ALDH3B1: variants seen among roughly 807,000 people sequenced by gnomAD.
ALDH3B1 encodes aldehyde dehydrogenase family 3 member B1.
Under a neutral mutation model 46.2 loss-of-function variants are expected in ALDH3B1, and 37 were observed. The ratio of observed to expected loss-of-function variants is 0.80; its 90% CI spans 0.62 to 1.05. The LOEUF is 1.05. Among genes scored for constraint, ALDH3B1 ranks in the 50% least tolerant of loss-of-function variants. ALDH3B1 has a pLI of 0.00. For synonymous variants in ALDH3B1, 283 were observed against 281.0 expected (o/e 1.01, Z -0.07); for missense variants, 603 against 665.5 (o/e 0.91, Z 1.03).
At position 68,021,559 on chromosome 11, in the gene ALDH3B1, G is replaced by T. The variant is rs746734728; in HGVS notation, c.637G>T (p.Gly213Cys). Residue 213 changes from glycine to cysteine, a missense_variant, in exon 7 of 10, where the codon GGC (glycine) becomes TGC (cysteine). Transcript: ENST00000342456. ...GACACCTGTCACCCTGGAGCTGGGG[G>T]GCAAGAACCCTTGCTACGTGGACGA... is the stretch of plus-strand genomic sequence containing the variant. ...HLTPVTLELG[G>C]KNPCYVDDNC... is the part of the protein sequence containing the mutation. 1 of 1,614,098 alleles carries T rather than the reference G, an allele frequency of 6.2e-7. No homozygotes were observed.
In ALDH3B1 at chr11:68,027,842, A is replaced by G. The variant is rs1196356124; in HGVS notation, c.1310A>G (p.Lys437Arg). The part of the protein sequence containing the change: ...ACLLRSPGME[K>R]LNALRYPPQS... ...CTCCTGCGCAGCCCGGGGATGGAGA[A>G]GCTCAACGCCCTCCGCTACCCGCCG... The change falls in exon 10 of 10, where the codon AAG (lysine) becomes AGG (arginine). Residue 437 changes from lysine to arginine, a missense_variant. Transcript: ENST00000342456. 2.6e-6 allele frequency: 4 copies of G among 1,554,074 alleles called. No individual in the cohort carries two copies. In the South Asian group the frequency reaches 4.7e-5, roughly 18 times the overall value.
Position 68,022,742 on chromosome 11 carries a change from CCTT to C in ALDH3B1, c.1100_1102del (p.Phe367del), listed in dbSNP as rs760984257. The C allele has an allele frequency of 3.7e-6, 6 of 1,614,104 alleles. No homozygotes were observed. The highest frequency in any genetic ancestry group is 4.2e-6 in the Non-Finnish European group (5 of 1,180,004). On this transcript the variant is annotated inframe_deletion, in exon 8 of 10. Coordinates refer to ENST00000342456, the MANE Select transcript of ALDH3B1 (RefSeq NM_000694.4). ...CGGGAGAAGCCCCTGGCCCTGTACG[CCTT>C]CTCCAACAGCAGCCAGGTGGGGGTG... is the stretch of plus-strand genomic sequence containing the variant.
Position 68,015,481 on chromosome 11 carries a change from G to A in ALDH3B1, c.162+22G>A, listed in dbSNP as rs186487054. 174 of 1,565,526 alleles carry A rather than the reference G, an allele frequency of 1.1e-4. No individual in the cohort carries two copies. In the African/African-American group the frequency reaches 2.1e-3, roughly 19 times the overall value. Reference sequence around the variant, plus strand: ...CAAGGTGGGCTGGGGTTGGGGGTATGAGAGGGTGCACTGGGGCAGGGGGGC... The same window carrying A: ...CAAGGTGGGCTGGGGTTGGGGGTATAAGAGGGTGCACTGGGGCAGGGGGGC... On this transcript the variant is annotated intron_variant, in intron 2 of 9. Transcript: ENST00000342456.
At chr11:68,023,768 G>A (rs180840612) in intron 8 of ALDH3B1, among the ~76,000 whole-genome samples, 113 of 152,080 alleles carry the variant, frequency 7.4e-4, no homozygotes, top group Admixed American at 2.5e-3. Flanking sequence ...AGGGCTGGGC[G>A]CGGTGGCTCA....
chr11:68,027,290 G>A (rs1050693000), intron 9 of ALDH3B1, among the ~76,000 whole-genome samples: 4 of 152,150 alleles, frequency 2.6e-5, no homozygotes, highest in African/African-American at 7.2e-5. Flanking sequence ...TGAACGCCCT[G>A]GCCTGGGGCC....
At chr11:68,018,995 A>C in intron 4 of ALDH3B1, 102 bp downstream of exon 4, 1 of 1,483,384 alleles carries the variant, frequency 6.7e-7, no homozygotes, top group Non-Finnish European at 9.0e-7. Flanking sequence ...CCAGGTGGCA[A>C]AGAGGACTGT....
At chr11:68,022,183 G>C (rs145605484) in intron 7 of ALDH3B1, among the ~76,000 whole-genome samples, 1 of 152,124 alleles carries the variant, frequency 6.6e-6, no homozygotes, top group African/African-American at 2.4e-5. Context: ...CAGATTCTCC[G>C]AGCCCACAAT....
intron 1 of ALDH3B1, among the ~76,000 whole-genome samples, chr11:68,014,198 AG>A (rs1857292238): frequency 6.6e-6 from 1 of 152,146 alleles, no homozygotes; most frequent in Admixed American, 6.5e-5. Context: ...CAGTCTAATG[AG>A]GGGGAAATAA....
chr11:68,028,292 C>A lies in ALDH3B1; in HGVS notation c.*353C>A. Reference sequence around the variant, plus strand: ...GTCCGAGGGGCCCTGGCATCTGACTCAGGCCACACCATGGAATCACTGCAT... The same window carrying A: ...GTCCGAGGGGCCCTGGCATCTGACTAAGGCCACACCATGGAATCACTGCAT... On this transcript the variant is annotated 3_prime_UTR_variant, in exon 10 of 10. Coordinates refer to ENST00000342456, the MANE Select transcript of ALDH3B1 (RefSeq NM_000694.4). 1 of 430,646 alleles carries A rather than the reference C, an allele frequency of 2.3e-6. No individual in the cohort carries two copies. Among genetic ancestry groups the A allele is most frequent in the Non-Finnish European group, 4.5e-6 (1 of 223,070 alleles). The allele number at this position is 430,646 out of a possible 1,614,324, so 26.7% of individuals were successfully genotyped here.
chr11:68,022,469 T>C (rs1857522810), intron 7 of ALDH3B1, 126 bp from the exon 8 acceptor site: 2 of 1,292,854 alleles, frequency 1.5e-6, no homozygotes, highest in Admixed American at 5.3e-5. Context: ...GCCTGAAGCC[T>C]TGGGAAGTCA....
intron 1 of ALDH3B1, among the ~76,000 whole-genome samples, chr11:68,013,591 C>A (rs1338480001): frequency 6.6e-6 from 1 of 152,208 alleles, no homozygotes; most frequent in Non-Finnish European, 1.5e-5. Context: ...TTTCTGTGGG[C>A]ACAACAGCAA....
chr11:68,015,447 G>A lies in ALDH3B1; in HGVS notation c.150G>A (p.Gln50=), dbSNP rs1163948614. 6.4e-7 allele frequency: 1 copy of A among 1,566,156 alleles called. No homozygotes were observed. Among genetic ancestry groups the A allele is most frequent in the African/African-American group, 1.4e-5 (1 of 74,032 alleles). The change falls in exon 2 of 10, where the codon CAG becomes CAA. Residue 50 remains glutamine (Q), a synonymous_variant. Coordinates refer to ENST00000342456, the MANE Select transcript of ALDH3B1 (RefSeq NM_000694.4). ...AGCTTCTGCACGACGCACTGGCCCA[G>A]GACCTGCACAAGGTGGGCTGGGGTT... ...NKQLLHDALA[Q]DLHKSAFESE...
At chr11:68,012,302 C>A (rs1857249851) in intron 1 of ALDH3B1, among the ~76,000 whole-genome samples, 1 of 152,216 alleles carries the variant, frequency 6.6e-6, no homozygotes, top group Admixed American at 6.5e-5. Flanking sequence ...ACAGCGAGCA[C>A]CCAGGCTGGC....
In ALDH3B1 at chr11:68,018,598, C is replaced by G. The variant is rs959096514; in HGVS notation, c.234C>G (p.Leu78=). ...QGEVTLALRN[L]RAWMKDERVP... ...AGGTCACCCTGGCCCTCAGGAACCT[C>G]CGGGCCTGGATGAAGGACGAGCGTG... The change falls in exon 3 of 10, where the codon CTC becomes CTG. Residue 78 remains leucine, a synonymous_variant. Coordinates refer to ENST00000342456, the MANE Select transcript of ALDH3B1 (RefSeq NM_000694.4). 3.2e-6 allele frequency: 5 copies of G among 1,582,598 alleles called. No homozygotes were observed. Among genetic ancestry groups the G allele is most frequent in the East Asian group, 4.7e-5 (2 of 42,890 alleles).
upstream of ALDH3B1, among the ~76,000 whole-genome samples, chr11:68,009,191 C>T (rs994542393): frequency 2.6e-5 from 4 of 152,222 alleles, no homozygotes; most frequent in African/African-American, 7.2e-5. Flanking sequence ...CCCCCACTTC[C>T]TCGTTTGTAA....
intron 1 of ALDH3B1, among the ~76,000 whole-genome samples, chr11:68,011,233 G>A (rs186689800): frequency 6.6e-6 from 1 of 152,360 alleles, no homozygotes; most frequent in African/African-American, 2.4e-5. Context: ...AGAGCAGGGG[G>A]TTCATAAGGC....
At chr11:68,013,834 T>C (rs1857283613) in intron 1 of ALDH3B1, among the ~76,000 whole-genome samples, 1 of 152,214 alleles carries the variant, frequency 6.6e-6, no homozygotes, top group Non-Finnish European at 1.5e-5. Flanking sequence ...ATGGGGACCA[T>C]GGTGCCTGTC....
chr11:68,021,627 C>A lies in ALDH3B1; in HGVS notation c.705C>A (p.Phe235Leu). The A allele has an allele frequency of 2.5e-6, 4 of 1,614,096 alleles. No homozygotes were observed. The highest frequency in any genetic ancestry group is 3.4e-6 in the Non-Finnish European group (4 of 1,179,986). The change falls in exon 7 of 10, where the codon TTC (phenylalanine) becomes TTA (leucine). Residue 235 changes from phenylalanine to leucine, a missense_variant. Transcript: ENST00000342456. ...PQTVANRVAW[F>L]RYFNAGQTCV... ...CCGTGGCCAACCGCGTGGCCTGGTT[C>A]CGCTACTTCAACGCCGGCCAGACCT...
intron 7 of ALDH3B1, 57 bp from the exon 8 acceptor site, chr11:68,022,538 A>AC (rs5792429): frequency 1 from 1,592,018 of 1,592,086 alleles, 795,975 homozygotes; most frequent in Middle Eastern, 1. Context: ...CTCTACCCCC[A>AC]CCCTGGGGGC....
Sources: allele counts gnomAD v4.1 joint callset (sites outside exome capture counted in the v4.1 genomes callset), GRCh38; gene constraint gnomAD v4.1.1; transcripts MANE v1.5; gene names NCBI Gene and HGNC (gene_info 2026-07-23, HGNC 2026-07-21).